The following PCDHB7 variants were observed in gnomAD, a reference collection of about 807,000 sequenced individuals.
PCDHB7 encodes the protein protocadherin beta-7.
For missense variants in PCDHB7, 1,148 were observed against 1,011.6 expected (o/e 1.13, Z -1.83); for synonymous variants, 542 against 463.1 (o/e 1.17, Z -2.19).
In PCDHB7 at chr5:141,175,552, A is replaced by C; in HGVS notation, c.*335A>C. The C allele has an allele frequency of 3.1e-6, 1 of 321,804 alleles. No homozygotes were observed. Among genetic ancestry groups the C allele is most frequent in the Non-Finnish European group, 5.8e-6 (1 of 173,560 alleles). 19.9% of individuals were successfully genotyped at this position (321,804 alleles called of 1,614,324 possible). On this transcript the variant is annotated 3_prime_UTR_variant, in exon 1 of 1. Coordinates refer to ENST00000231137, the MANE Select transcript of PCDHB7 (RefSeq NM_018940.4). ...ATTAGAAAGCTGTATGAGTGTACCT[A>C]CCCTAGTCTCAGAAGCATAGACTGT...
At position 141,173,734 on chromosome 5, in the gene PCDHB7, GTCTTCA is replaced by G; in HGVS notation, c.904_909del (p.His302_Leu303del). ...TTTCAAATCAATCCAACATCTGGCA[GTCTTCA>G]TCTTAAAGCGCAATTGGACTATGAG... On this transcript the variant is annotated inframe_deletion, in exon 1 of 1. Transcript: ENST00000231137. The G allele has an allele frequency of 6.2e-7, 1 of 1,613,864 alleles. No individual in the cohort carries two copies. The highest frequency in any genetic ancestry group is 8.5e-7 in the Non-Finnish European group (1 of 1,179,778).
At position 141,174,430 on chromosome 5, in the gene PCDHB7, G is replaced by A. The variant is rs782034176; in HGVS notation, c.1595G>A (p.Gly532Asp). ...EALQAFEFRV[G>D]ATDRGSPALS... is the part of the protein sequence containing the mutation. ...CTGCAGGCGTTCGAGTTCCGCGTGG[G>A]CGCCACAGACCGCGGCTCCCCCGCG... is the stretch of plus-strand genomic sequence containing the variant. Residue 532 changes from glycine (G) to aspartate (D), a missense_variant, in exon 1 of 1, where the codon GGC becomes GAC. Transcript: ENST00000231137. 2 of 1,612,018 alleles carry A rather than the reference G, an allele frequency of 1.2e-6. No individual in the cohort carries two copies. The highest frequency in any genetic ancestry group is 2.2e-5 in the South Asian group (2 of 90,990).
chr5:141,174,073 G>T lies in PCDHB7; in HGVS notation c.1238G>T (p.Arg413Met). The change falls in exon 1 of 1, where the codon AGG (arginine) becomes ATG (methionine). Residue 413 changes from arginine (R) to methionine (M), a missense_variant. Coordinates refer to ENST00000231137, the MANE Select transcript of PCDHB7 (RefSeq NM_018940.4). ...ACAGAGAAACCTTTGGATCGAGAGA[G>T]GAACACTGAGTACAACATCACCATC... ...LVTEKPLDRE[R>M]NTEYNITITV... The T allele has an allele frequency of 6.2e-7, 1 of 1,614,042 alleles. No homozygotes were observed. The highest frequency in any genetic ancestry group is 8.5e-7 in the Non-Finnish European group (1 of 1,179,930).
rs370975099 is a variant in PCDHB7 at position 141,174,181 on chromosome 5, C to T, written c.1346C>T (p.Pro449Leu). 1 of 1,613,588 alleles carries T rather than the reference C, an allele frequency of 6.2e-7. No homozygotes were observed. The highest frequency in any genetic ancestry group is 8.5e-7 in the Non-Finnish European group (1 of 1,180,038). Residue 449 changes from proline to leucine, a missense_variant, in exon 1 of 1, where the codon CCC becomes CTC. Coordinates refer to ENST00000231137, the MANE Select transcript of PCDHB7 (RefSeq NM_018940.4). The stretch of plus-strand genomic sequence containing the variant: ...GTCTCCGACGTCAATGACAACGCTC[C>T]CGCCTTCACCCAAACCTCCTACACC... ...VLVSDVNDNA[P>L]AFTQTSYTLF...
rs200512470 is a variant in PCDHB7 at position 141,173,120 on chromosome 5, G to C, written c.285G>C (p.Leu95=). ...ATGAGAAATTGGACCGAGAGGAACTGTGTGGCCCCAGAGAGCCCTGTGTGC... is the reference window on the plus strand; with the variant it reads ...ATGAGAAATTGGACCGAGAGGAACTCTGTGGCCCCAGAGAGCCCTGTGTGC... ...LLNEKLDREE[L]CGPREPCVLP... is the part of the protein sequence containing the mutation. The change falls in exon 1 of 1, where the codon CTG becomes CTC. Residue 95 remains leucine (L), a synonymous_variant. Transcript: ENST00000231137. 2.3e-5 allele frequency: 37 copies of C among 1,614,122 alleles called. No homozygotes were observed. In the East Asian group the frequency reaches 7.8e-4, roughly 34 times the overall value.
At position 141,173,781 on chromosome 5, in the gene PCDHB7, A is replaced by C; in HGVS notation, c.946A>C (p.Thr316Pro). The C allele has an allele frequency of 1.2e-5, 20 of 1,614,166 alleles. No individual in the cohort carries two copies. Among genetic ancestry groups the C allele is most frequent in the Non-Finnish European group, 1.7e-5 (20 of 1,180,012 alleles). Residue 316 changes from threonine (T) to proline (P), a missense_variant, in exon 1 of 1, where the codon ACA becomes CCA. Thr to Pro is a conservative substitution (Grantham distance 38). Transcript: ENST00000231137. ...QLDYEAIQTY[T>P]LTIQAKDGGG... ...GGACTATGAGGCAATTCAAACTTACACATTAACTATTCAGGCCAAAGACGG... is the reference window on the plus strand; with the variant it reads ...GGACTATGAGGCAATTCAAACTTACCCATTAACTATTCAGGCCAAAGACGG...
Position 141,176,166 on chromosome 5 carries a change from T to G in PCDHB7, c.*949T>G, listed in dbSNP as rs1466392214. On this transcript the variant is annotated 3_prime_UTR_variant, in exon 1 of 1. Coordinates refer to ENST00000231137, the MANE Select transcript of PCDHB7 (RefSeq NM_018940.4). ...TCATTAGTTAATTATTTTCTTCATA[T>G]TGTAGATTTTCTGCAGTCACCCATA... 1 of 167,158 alleles carries G rather than the reference T, an allele frequency of 6.0e-6. No individual in the cohort carries two copies. Among genetic ancestry groups the G allele is most frequent in the East Asian group, 1.9e-4 (1 of 5,206 alleles). The allele number at this position is 167,158 out of a possible 1,614,324, so 10.4% of individuals were successfully genotyped here.
chr5:141,174,412 CG>C lies in PCDHB7; in HGVS notation c.1578del (p.Phe527SerfsTer15). Reference sequence around the variant, plus strand: ...TCCCTGGACTACGAGGCCCTGCAGGCGTTCGAGTTCCGCGTGGGCGCCACAG... The same window carrying C: ...TCCCTGGACTACGAGGCCCTGCAGGCTTCGAGTTCCGCGTGGGCGCCACAG... ...LRSLDYEALQ[A>X]FEFRVGATDR... On this transcript the variant is annotated frameshift_variant, in exon 1 of 1. Coordinates refer to ENST00000231137, the MANE Select transcript of PCDHB7 (RefSeq NM_018940.4). LOFTEE classifies it low-confidence loss of function (END_TRUNC). 6.2e-7 allele frequency: 1 copy of C among 1,612,314 alleles called. No homozygotes were observed.
In PCDHB7 at chr5:141,173,472, AC is replaced by A. The variant is rs1753266964; in HGVS notation, c.639del (p.Ala214LeufsTer2). 6.2e-7 allele frequency: 1 copy of A among 1,613,970 alleles called. No homozygotes were observed. Among genetic ancestry groups the A allele is most frequent in the South Asian group, 1.1e-5 (1 of 91,078 alleles). ...GATACCAGAGTTCAGTTTAACCCTC[AC>A]CGCTTTAGACGGCGGCTCTCCTCCA... ...EEIPEFSLTL[T>X]ALDGGSPPRS... On this transcript the variant is annotated frameshift_variant, in exon 1 of 1. Coordinates refer to ENST00000231137, the MANE Select transcript of PCDHB7 (RefSeq NM_018940.4). LOFTEE classifies it low-confidence loss of function (END_TRUNC).
In PCDHB7 at chr5:141,173,681, T is replaced by A; in HGVS notation, c.846T>A (p.Ser282=). 6.2e-7 allele frequency: 1 copy of A among 1,614,206 alleles called. No individual in the cohort carries two copies. The highest frequency in any genetic ancestry group is 8.5e-7 in the Non-Finnish European group (1 of 1,180,034). The change falls in exon 1 of 1, where the codon TCT becomes TCA. Residue 282 remains serine (S), a synonymous_variant. Transcript: ENST00000231137. ...GSNGEIAYAF[S]YATERILKTF... ...ATGGGGAAATAGCCTATGCATTTTC[T>A]TACGCCACTGAAAGAATTCTCAAAA...
Position 141,174,216 on chromosome 5 carries a change from C to T in PCDHB7, c.1381C>T (p.Arg461Cys), listed in dbSNP as rs781905927. The stretch of plus-strand genomic sequence containing the variant: ...CCAAACCTCCTACACCCTGTTTGTC[C>T]GTGAGAACAACAGCCCCGCCCTGCC... ...FTQTSYTLFV[R>C]ENNSPALPIG... The change falls in exon 1 of 1, where the codon CGT (arginine) becomes TGT (cysteine). Residue 461 changes from arginine to cysteine, a missense_variant. By Grantham distance (180) the Arg-to-Cys change is radical (BLOSUM62 -3). Transcript: ENST00000231137. 1.4e-5 allele frequency: 23 copies of T among 1,613,262 alleles called. No homozygotes were observed. Among genetic ancestry groups the T allele is most frequent in the Admixed American group, 1.7e-5 (1 of 60,008 alleles).
chr5:141,172,898 G>C lies in PCDHB7; in HGVS notation c.63G>C (p.Leu21=), dbSNP rs1273388879. Residue 21 remains leucine (L), a synonymous_variant, in exon 1 of 1, where the codon CTG becomes CTC. Coordinates refer to ENST00000231137, the MANE Select transcript of PCDHB7 (RefSeq NM_018940.4). ...AAGTCTTATTTCTTTGTGTATTTCT[G>C]GGAATGTCTTGGGCTGGCGCCGAAC... ...KRQVLFLCVF[L]GMSWAGAEPL... 3.1e-6 allele frequency: 5 copies of C among 1,614,060 alleles called. No homozygotes were observed. The African/African-American group carries it at 6.7e-5, about 22-fold the overall frequency.
rs139341980 is a variant in PCDHB7 at position 141,174,247 on chromosome 5, G to C, written c.1412G>C (p.Gly471Ala). 1.9e-6 allele frequency: 3 copies of C among 1,612,758 alleles called. No homozygotes were observed. Among genetic ancestry groups the C allele is most frequent in the East Asian group, 2.2e-5 (1 of 44,872 alleles). ...RENNSPALPI[G>A]SVSATDRDSG... is the part of the protein sequence containing the mutation. ...AACAACAGCCCCGCCCTGCCCATCG[G>C]CAGTGTCAGCGCCACAGACAGAGAC... The change falls in exon 1 of 1, where the codon GGC (glycine) becomes GCC (alanine). Residue 471 changes from glycine to alanine, a missense_variant. Gly to Ala is a moderately conservative substitution (Grantham distance 60, BLOSUM62 0). Transcript: ENST00000231137.
chr5:141,172,799 G>A lies in PCDHB7; in HGVS notation c.-37G>A, dbSNP rs373636770. 26 of 1,550,200 alleles carry A rather than the reference G, an allele frequency of 1.7e-5. No individual in the cohort carries two copies. The African/African-American group carries it at 3.5e-4, about 21-fold the overall frequency. ...CCATTTGTGAGAGCCGCTGGAGGCT[G>A]AGTGAAAGTCATTTTGAAAGACTGA... On this transcript the variant is annotated 5_prime_UTR_variant, in exon 1 of 1. Transcript: ENST00000231137.
At position 141,174,431 on chromosome 5, in the gene PCDHB7, C is replaced by A. The variant is rs782144095; in HGVS notation, c.1596C>A (p.Gly532=). ...EALQAFEFRV[G]ATDRGSPALS... Reference sequence around the variant, plus strand: ...TGCAGGCGTTCGAGTTCCGCGTGGGCGCCACAGACCGCGGCTCCCCCGCGC... The same window carrying A: ...TGCAGGCGTTCGAGTTCCGCGTGGGAGCCACAGACCGCGGCTCCCCCGCGC... Residue 532 remains glycine (G), a synonymous_variant, in exon 1 of 1, where the codon GGC becomes GGA. Coordinates refer to ENST00000231137, the MANE Select transcript of PCDHB7 (RefSeq NM_018940.4). 22 of 1,611,828 alleles carry A rather than the reference C, an allele frequency of 1.4e-5. No individual in the cohort carries two copies. In the African/African-American group the frequency reaches 1.6e-4, roughly 12 times the overall value.
rs782406920 is a variant in PCDHB7, at chr5:141,173,422, T to C, written c.587T>C (p.Leu196Pro). ...GGGAATATCTATCCCGAATTGGTGC[T>C]GAATCAAGTGCTGGATCGGGAAGAG... ...GEGNIYPELV[L>P]NQVLDREEIP... The change falls in exon 1 of 1, where the codon CTG (leucine) becomes CCG (proline). Residue 196 changes from leucine to proline, a missense_variant. By Grantham distance (98) the Leu-to-Pro change is moderately conservative. Coordinates refer to ENST00000231137, the MANE Select transcript of PCDHB7 (RefSeq NM_018940.4). 1.2e-6 allele frequency: 2 copies of C among 1,614,182 alleles called. No individual in the cohort carries two copies. Among genetic ancestry groups the C allele is most frequent in the Non-Finnish European group, 1.7e-6 (2 of 1,180,032 alleles).
chr5:141,174,190 C>G lies in PCDHB7; in HGVS notation c.1355C>G (p.Thr452Ser), dbSNP rs374589039. Residue 452 changes from threonine to serine, a missense_variant, in exon 1 of 1, where the codon ACC (threonine) becomes AGC (serine). Physicochemically the swap from Thr to Ser is moderately conservative, Grantham distance 58. Transcript: ENST00000231137. ...SDVNDNAPAFTQTSYTLFVRE... is the reference protein window; with the variant it reads ...SDVNDNAPAFSQTSYTLFVRE... ...GTCAATGACAACGCTCCCGCCTTCA[C>G]CCAAACCTCCTACACCCTGTTTGTC... 28 of 1,613,468 alleles carry G rather than the reference C, an allele frequency of 1.7e-5. No homozygotes were observed. Among genetic ancestry groups the G allele is most frequent in the Non-Finnish European group, 2.2e-5 (26 of 1,180,046 alleles).
In PCDHB7 at chr5:141,174,203, C is replaced by T. The variant is rs7702701; in HGVS notation, c.1368C>T (p.Tyr456=). The change falls in exon 1 of 1, where the codon TAC becomes TAT. Residue 456 remains tyrosine, a synonymous_variant. Coordinates refer to ENST00000231137, the MANE Select transcript of PCDHB7 (RefSeq NM_018940.4). ...DNAPAFTQTS[Y]TLFVRENNSP... ...CTCCCGCCTTCACCCAAACCTCCTACACCCTGTTTGTCCGTGAGAACAACA... is the reference window on the plus strand; with the variant it reads ...CTCCCGCCTTCACCCAAACCTCCTATACCCTGTTTGTCCGTGAGAACAACA... 33,298 of 1,613,408 alleles carry T rather than the reference C, an allele frequency of 0.021. 1,374 individuals carry two copies. Among genetic ancestry groups the T allele is most frequent in the African/African-American group, 0.17 (12,842 of 74,998 alleles).
At position 141,173,790 on chromosome 5, in the gene PCDHB7, A is replaced by C; in HGVS notation, c.955A>C (p.Ile319Leu). ...GGCAATTCAAACTTACACATTAACT[A>C]TTCAGGCCAAAGACGGCGGCGGGCT... Reference protein sequence around the residue: ...YEAIQTYTLTIQAKDGGGLSG... With the variant: ...YEAIQTYTLTLQAKDGGGLSG... The change falls in exon 1 of 1, where the codon ATT becomes CTT. Residue 319 changes from isoleucine to leucine, a missense_variant. By Grantham distance (5) the Ile-to-Leu change is conservative. Transcript: ENST00000231137. 1 of 1,614,180 alleles carries C rather than the reference A, an allele frequency of 6.2e-7. No individual in the cohort carries two copies. The highest frequency in any genetic ancestry group is 8.5e-7 in the Non-Finnish European group (1 of 1,180,026).
Sources: gnomAD v4.1 joint callset for allele counts on GRCh38, gnomAD v4.1.1 for gene constraint, MANE v1.5 for transcripts, NCBI Gene and HGNC (gene_info 2026-07-23, HGNC 2026-07-21) for gene names.